ALKBH6: variants seen among roughly 807,000 people sequenced by gnomAD.
ALKBH6 encodes probable RNA/DNA demethylase ALKBH6.
In ALKBH6, 20 loss-of-function variants were observed where a neutral mutation model predicts 25.1. That is an observed-to-expected ratio of 0.80 (90% confidence interval 0.56 to 1.16). The LOEUF (loss-of-function observed/expected upper bound fraction) is 1.16. Ranked by LOEUF, ALKBH6 falls within the 50% of genes most tolerant of loss-of-function variation. ALKBH6 has a pLI of 0.00. For missense variants in ALKBH6, 263 were observed against 326.5 expected (o/e 0.81, Z 1.50); for synonymous variants, 156 against 147.5 (o/e 1.06, Z -0.42).
chr19:36,013,142 A>G lies in ALKBH6; in HGVS notation c.55-53T>C, dbSNP rs1208754306. 5 of 1,557,866 alleles carry G rather than the reference A, an allele frequency of 3.2e-6. No individual in the cohort carries two copies. On this transcript the variant is annotated intron_variant, in intron 2 of 6. Coordinates refer to ENST00000378875, the MANE Select transcript of ALKBH6 (RefSeq NM_032878.5). The surrounding 1 kb of genome is among the most constrained non-coding windows in gnomAD (Gnocchi z 4.6). ...TGGCCCTTCAACCCACACAGAGGAC[A>G]TATCATCACAGAGCAACCCCTATGC...
chr19:36,013,185 A>T lies in ALKBH6; in HGVS notation c.55-96T>A. On this transcript the variant is annotated intron_variant, in intron 2 of 6. Coordinates refer to ENST00000378875, the MANE Select transcript of ALKBH6 (RefSeq NM_032878.5). The surrounding 1 kb of genome is among the most constrained non-coding windows in gnomAD (Gnocchi z 4.6). The stretch of plus-strand genomic sequence containing the variant: ...CCCTATGCCTGGAGACAGGCTCAGG[A>T]TGTCCTCAGACAGGTCAGGGTCTAA... The T allele has an allele frequency of 6.9e-7, 1 of 1,443,216 alleles. No homozygotes were observed. 89.4% of individuals were successfully genotyped at this position (1,443,216 alleles called of 1,614,324 possible). A position where few individuals can be genotyped will look rare whatever the true frequency, so the allele number is the denominator to read the frequency against.
Position 36,011,838 on chromosome 19 carries a change from C to A in ALKBH6, c.124-374G>T, listed in dbSNP as rs573566619. ...TGGTTGCTCATGCCTGTAATCCCAG[C>A]ACTTTGGGAGGCCGAGGCGGGCAGA... On this transcript the variant is annotated intron_variant, in intron 3 of 6. Coordinates refer to ENST00000378875, the MANE Select transcript of ALKBH6 (RefSeq NM_032878.5). The A allele has an allele frequency of 2.0e-4, 34 of 171,334 alleles. No homozygotes were observed. In the South Asian group the frequency reaches 4.6e-3, roughly 23 times the overall value. 10.6% of individuals were successfully genotyped at this position (171,334 alleles called of 1,614,324 possible).
chr19:36,010,408 G>T lies in ALKBH6; in HGVS notation c.453+159C>A. On this transcript the variant is annotated intron_variant, in intron 6 of 6. Coordinates refer to ENST00000378875, the MANE Select transcript of ALKBH6 (RefSeq NM_032878.5). The surrounding 1 kb of genome is among the most constrained non-coding windows in gnomAD (Gnocchi z 5.5). ...CAGACACCCTGTAAGCAGATGGGTT[G>T]GGTGTCTGGGAGGAAGTGGGTACAC... The T allele has an allele frequency of 1.5e-6, 1 of 686,348 alleles. No individual in the cohort carries two copies. The highest frequency in any genetic ancestry group is 2.6e-6 in the Non-Finnish European group (1 of 387,064). The allele number at this position is 686,348 out of a possible 1,614,324, so 42.5% of individuals were successfully genotyped here.
chr19:36,014,209 A>ACATCCC lies in ALKBH6; in HGVS notation c.-61_-60insGGGATG. The ACATCCC allele has an allele frequency of 6.2e-7, 1 of 1,612,214 alleles. No individual in the cohort carries two copies. The highest frequency in any genetic ancestry group is 8.5e-7 in the Non-Finnish European group (1 of 1,179,068). On this transcript the variant is annotated 5_prime_UTR_variant, in exon 1 of 7. In the 5' UTR this introduces an upstream ATG that the reference lacks. Transcript: ENST00000378875. ...GCGTCCCCTCCAATTTCCAAATTCA[A>ACATCCC]CATCCCCATCCCCCTCCCAGCCATT...
chr19:36,013,090 C>T lies in ALKBH6; in HGVS notation c.55-1G>A. 1 of 1,613,816 alleles carries T rather than the reference C, an allele frequency of 6.2e-7. No individual in the cohort carries two copies. Among genetic ancestry groups the T allele is most frequent in the South Asian group, 1.1e-5 (1 of 91,084 alleles). On this transcript the variant is annotated splice_acceptor_variant, in intron 2 of 6. Transcript: ENST00000378875. LOFTEE classifies it high-confidence loss of function. This position sits in a 1 kb window ranked among gnomAD's most constrained non-coding sequence, Gnocchi z 4.6. Reference sequence around the variant, plus strand: ...GGACATAGTAGATTACAGGTGGTGCCTAGGATAGAAAGACCCCCTGAAGGT... The same window carrying T: ...GGACATAGTAGATTACAGGTGGTGCTTAGGATAGAAAGACCCCCTGAAGGT...
Position 36,009,215 on chromosome 19 carries a change from G to A in ALKBH6, c.*75C>T, listed in dbSNP as rs1477568784. ...CCCAGGGGAGCCCCCTTTGCCCACG[G>A]TTCCTAGGTCGCGGAGTCACAGCAG... On this transcript the variant is annotated 3_prime_UTR_variant, in exon 7 of 7. Coordinates refer to ENST00000378875, the MANE Select transcript of ALKBH6 (RefSeq NM_032878.5). 8.8e-6 allele frequency: 11 copies of A among 1,248,256 alleles called. No homozygotes were observed. Among genetic ancestry groups the A allele is most frequent in the East Asian group, 3.2e-5 (1 of 31,432 alleles). The allele number at this position is 1,248,256 out of a possible 1,614,324, so 77.3% of individuals were successfully genotyped here. A position where few individuals can be genotyped will look rare whatever the true frequency, so the allele number is the denominator to read the frequency against.
In ALKBH6 at chr19:36,009,441, A is replaced by C; in HGVS notation, c.566T>G (p.Val189Gly). 1.6e-6 allele frequency: 2 copies of C among 1,245,566 alleles called. No individual in the cohort carries two copies. Among genetic ancestry groups the C allele is most frequent in the Non-Finnish European group, 2.0e-6 (2 of 996,794 alleles). The allele number at this position is 1,245,566 out of a possible 1,614,324, so 77.2% of individuals were successfully genotyped here. ...RLLHGIAAARVDALDAASSPP... is the reference protein window; with the variant it reads ...RLLHGIAAARGDALDAASSPP... The stretch of plus-strand genomic sequence containing the variant: ...CGAGGAGGCGGCGTCCAGCGCGTCT[A>C]CGCGGGCGGCGGCGATGCCGTGGAG... Residue 189 changes from valine (V) to glycine (G), a missense_variant, in exon 7 of 7, where the codon GTA (valine) becomes GGA (glycine). Val to Gly is a moderately radical substitution (Grantham distance 109). Coordinates refer to ENST00000378875, the MANE Select transcript of ALKBH6 (RefSeq NM_032878.5).
Position 36,014,165 on chromosome 19 carries a change from C to T in ALKBH6, c.-26+10G>A, listed in dbSNP as rs1020687404. 5.0e-6 allele frequency: 8 copies of T among 1,612,676 alleles called. No individual in the cohort carries two copies. Among genetic ancestry groups the T allele is most frequent in the Non-Finnish European group, 6.8e-6 (8 of 1,179,386 alleles). ...ATCCATCTCTACCCCCAGCACTCCCCAAAACTGACCGTCCACCAGCGTCCC... is the reference window on the plus strand; with the variant it reads ...ATCCATCTCTACCCCCAGCACTCCCTAAAACTGACCGTCCACCAGCGTCCC... On this transcript the variant is annotated intron_variant, in intron 1 of 6. Transcript: ENST00000378875.
chr19:36,014,193 C>T lies in ALKBH6; in HGVS notation c.-44G>A. ...AACTGACCGTCCACCAGCGTCCCCT[C>T]CAATTTCCAAATTCAACATCCCCAT... On this transcript the variant is annotated 5_prime_UTR_variant, in exon 1 of 7. Transcript: ENST00000378875. 6.2e-7 allele frequency: 1 copy of T among 1,612,608 alleles called. No homozygotes were observed. Among genetic ancestry groups the T allele is most frequent in the Non-Finnish European group, 8.5e-7 (1 of 1,179,234 alleles).
At position 36,009,203 on chromosome 19, in the gene ALKBH6, C is replaced by G. The variant is rs1248292515; in HGVS notation, c.*87G>C. On this transcript the variant is annotated 3_prime_UTR_variant, in exon 7 of 7. Coordinates refer to ENST00000378875, the MANE Select transcript of ALKBH6 (RefSeq NM_032878.5). ...GAAAATAAATAACCCAGGGGAGCCC[C>G]CTTTGCCCACGGTTCCTAGGTCGCG... 25 of 1,233,668 alleles carry G rather than the reference C, an allele frequency of 2.0e-5. No homozygotes were observed. Among genetic ancestry groups the G allele is most frequent in the Middle Eastern group, 3.1e-4 (1 of 3,228 alleles). The allele number at this position is 1,233,668 out of a possible 1,614,324, so 76.4% of individuals were successfully genotyped here. A position where few individuals can be genotyped will look rare whatever the true frequency, so the allele number is the denominator to read the frequency against.
At chr19:36,012,921 G>C in intron 3 of ALKBH6, 100 bp downstream of exon 3, 2 of 1,149,920 alleles carry the variant, frequency 1.7e-6, no homozygotes, top group Non-Finnish European at 2.6e-6. Flanking sequence ...CCTTCTGTCG[G>C]GGTCTTCACT....
In ALKBH6 at chr19:36,013,669, A is replaced by G; in HGVS notation, c.-25-247T>C. 1 of 1,342,412 alleles carries G rather than the reference A, an allele frequency of 7.4e-7. No homozygotes were observed. Among genetic ancestry groups the G allele is most frequent in the Non-Finnish European group, 9.6e-7 (1 of 1,044,220 alleles). 83.2% of individuals were successfully genotyped at this position (1,342,412 alleles called of 1,614,324 possible). A position where few individuals can be genotyped will look rare whatever the true frequency, so the allele number is the denominator to read the frequency against. ...CCACTAAGGGCCCATCCAACTACAC[A>G]TATGCCTTCTCAATCCTCCCACAGA... On this transcript the variant is annotated intron_variant, in intron 1 of 6. Transcript: ENST00000378875. This position sits in a 1 kb window ranked among gnomAD's most constrained non-coding sequence, Gnocchi z 4.6.
Position 36,010,501 on chromosome 19 carries a change from G to A in ALKBH6, c.453+66C>T. 7.2e-7 allele frequency: 1 copy of A among 1,385,568 alleles called. No homozygotes were observed. Among genetic ancestry groups the A allele is most frequent in the Non-Finnish European group, 1.0e-6 (1 of 982,414 alleles). 85.8% of individuals were successfully genotyped at this position (1,385,568 alleles called of 1,614,324 possible). A position where few individuals can be genotyped will look rare whatever the true frequency, so the allele number is the denominator to read the frequency against. On this transcript the variant is annotated intron_variant, in intron 6 of 6. Transcript: ENST00000378875. The surrounding 1 kb of genome is among the most constrained non-coding windows in gnomAD (Gnocchi z 5.5). ...GTACCCCGAAGGCATGTGGGACCAG[G>A]TCATCTTGGAGGATGTGCGAGGTTG... is the stretch of plus-strand genomic sequence containing the variant.
Position 36,009,388 on chromosome 19 carries a change from C to A in ALKBH6, c.619G>T (p.Ala207Ser). ...SPPNAAACPS[A>S]RPGACLVRGT... ...CGCACCAGGCAGGCTCCCGGCCGCG[C>A]CGACGGGCAGGCTGCCGCATTGGGC... Residue 207 changes from alanine to serine, a missense_variant, in exon 7 of 7, where the codon GCG becomes TCG. Transcript: ENST00000378875. 1 of 1,257,682 alleles carries A rather than the reference C, an allele frequency of 8.0e-7. No homozygotes were observed. Among genetic ancestry groups the A allele is most frequent in the Non-Finnish European group, 1.0e-6 (1 of 1,002,688 alleles). The allele number at this position is 1,257,682 out of a possible 1,614,324, so 77.9% of individuals were successfully genotyped here. A position where few individuals can be genotyped will look rare whatever the true frequency, so the allele number is the denominator to read the frequency against.
Position 36,009,457 on chromosome 19 carries a change from T to TCGCC in ALKBH6, c.549_550insGGCG (p.Ile184GlyfsTer81). On this transcript the variant is annotated frameshift_variant, in exon 7 of 7. Coordinates refer to ENST00000378875, the MANE Select transcript of ALKBH6 (RefSeq NM_032878.5). LOFTEE classifies it high-confidence loss of function. ...AGCGCGTCTACGCGGGCGGCGGCGA[T>TCGCC]GCCGTGGAGAAGACGCGTGTAGGCG... The TCGCC allele has an allele frequency of 8.0e-7, 1 of 1,247,118 alleles. No homozygotes were observed. Among genetic ancestry groups the TCGCC allele is most frequent in the Non-Finnish European group, 1.0e-6 (1 of 997,764 alleles). 77.3% of individuals were successfully genotyped at this position (1,247,118 alleles called of 1,614,324 possible).
chr19:36,012,434 A>G (rs543213102), intron 3 of ALKBH6: 3 of 153,696 alleles, frequency 2.0e-5, no homozygotes, highest in East Asian at 3.8e-4. Flanking sequence ...GAATTCTATA[A>G]TATGTAGATT....
Position 36,014,175 on chromosome 19 carries a change from C to A in ALKBH6, c.-26G>T, listed in dbSNP as rs779310233. The A allele has an allele frequency of 1.2e-6, 2 of 1,612,300 alleles. No homozygotes were observed. The highest frequency in any genetic ancestry group is 3.3e-5 in the Admixed American group (2 of 59,906). ...ACCCCCAGCACTCCCCAAAACTGAC[C>A]GTCCACCAGCGTCCCCTCCAATTTC... On this transcript the variant is annotated splice_region_variant and 5_prime_UTR_variant, in exon 1 of 7. Transcript: ENST00000378875.
At chr19:36,014,224 T>A, upstream of ALKBH6, 3 of 1,608,960 alleles carry the variant, frequency 1.9e-6, no homozygotes, top group Non-Finnish European at 2.5e-6. Context: ...CCCATCCCCC[T>A]CCCAGCCATT....
chr19:36,010,443 G>A lies in ALKBH6; in HGVS notation c.453+124C>T. 1.2e-6 allele frequency: 1 copy of A among 837,394 alleles called. No homozygotes were observed. Among genetic ancestry groups the A allele is most frequent in the Non-Finnish European group, 2.0e-6 (1 of 509,000 alleles). 51.9% of individuals were successfully genotyped at this position (837,394 alleles called of 1,614,324 possible). A position where few individuals can be genotyped will look rare whatever the true frequency, so the allele number is the denominator to read the frequency against. On this transcript the variant is annotated intron_variant, in intron 6 of 6. Transcript: ENST00000378875. The surrounding 1 kb of genome is among the most constrained non-coding windows in gnomAD (Gnocchi z 5.5). Reference sequence around the variant, plus strand: ...GAGGAAGTGGGTACACCCCATGAGGGGACAAGGGAAGGTATCTGGGAGAGT... The same window carrying A: ...GAGGAAGTGGGTACACCCCATGAGGAGACAAGGGAAGGTATCTGGGAGAGT...
Sources: allele counts gnomAD v4.1 joint callset, GRCh38; gene constraint gnomAD v4.1.1; non-coding constraint Gnocchi (gnomAD v3.1); transcripts MANE v1.5; gene names NCBI Gene and HGNC (gene_info 2026-07-23, HGNC 2026-07-21).